The following SPOCK1 variants were observed in gnomAD, a reference collection of about 807,000 sequenced individuals.
SPOCK1 encodes SPARC (osteonectin), cwcv and kazal like domains proteoglycan 1.
SPOCK1 carries 23 observed loss-of-function variants against 55.3 expected under a neutral mutation model. That is an observed-to-expected ratio of 0.42 (90% CI 0.30 to 0.59). The LOEUF (loss-of-function observed/expected upper bound fraction) is 0.59, where lower values mean the gene tolerates loss of function less well. SPOCK1 is among the 20% of genes least tolerant of loss of function. SPOCK1 has a pLI of 0.22. For synonymous variants in SPOCK1, 226 were observed against 221.0 expected, an observed-to-expected ratio of 1.02 and a Z score of -0.20; for missense variants, 499 against 552.5, an observed-to-expected ratio of 0.90 and a Z score of 0.97.
intron 2 of SPOCK1, among the ~76,000 whole-genome samples, chr5:137,302,861 G>A (rs1464932318): frequency 1.3e-5 from 2 of 152,154 alleles, no homozygotes; most frequent in African/African-American, 4.8e-5. Context: ...TAAGGCTGGG[G>A]TTGTTCCATT....
rs1752390442 is a variant in SPOCK1 at position 137,418,221 on chromosome 5, T to C, written c.186+80152A>G. Among the ~76,000 whole-genome samples the C allele has an allele frequency of 5.3e-5, 8 of 152,262 alleles. No homozygotes were observed. The South Asian group carries it at 1.7e-3, about 32-fold the overall frequency. On this transcript the variant is annotated intron_variant, in intron 2 of 10. Coordinates refer to ENST00000394945, the MANE Select transcript of SPOCK1 (RefSeq NM_004598.4). ...GTCTATCATTGATGGACATTTGGGT[T>C]GGTTCCAAGTCTTTGCTATTGTGAA...
rs547629198 is a variant in SPOCK1 at position 137,224,368 on chromosome 5, T to A, written c.232+42642A>T. The stretch of plus-strand genomic sequence containing the variant: ...GCAGGGTATACACATACATTGTGAC[T>A]TAATTTACATTTATTCCTTGGAGTA... On this transcript the variant is annotated intron_variant, in intron 3 of 10. Coordinates refer to ENST00000394945, the MANE Select transcript of SPOCK1 (RefSeq NM_004598.4). Among the ~76,000 whole-genome samples the A allele has an allele frequency of 2.0e-5, 3 of 152,362 alleles. No individual in the cohort carries two copies. In the South Asian group the frequency reaches 6.2e-4, roughly 32 times the overall value.
chr5:137,438,669 C>CACAT (rs1554081347), intron 2 of SPOCK1, among the ~76,000 whole-genome samples: 2 of 151,914 alleles, frequency 1.3e-5, no homozygotes, highest in Admixed American at 1.3e-4. Context: ...CACACACACA[C>CACAT]AGAAGCCACC....
At chr5:137,091,985 G>A (rs768964002) in intron 5 of SPOCK1, among the ~76,000 whole-genome samples, 13 of 151,650 alleles carry the variant, frequency 8.6e-5, no homozygotes, top group African/African-American at 1.9e-4. Context: ...TTATTTTCCC[G>A]TCAAGTCCCT....
At chr5:137,103,697 C>A (rs989791954) in intron 5 of SPOCK1, among the ~76,000 whole-genome samples, 1 of 152,218 alleles carries the variant, frequency 6.6e-6, no homozygotes, top group Admixed American at 6.5e-5. Flanking sequence ...CAGCTACAAC[C>A]TATATCCTAA....
chr5:137,367,333 G>T (rs1302828405), intron 2 of SPOCK1, among the ~76,000 whole-genome samples: 1 of 152,184 alleles, frequency 6.6e-6, no homozygotes, highest in East Asian at 1.9e-4. Flanking sequence ...CACCCCTGCA[G>T]TCAACATGCC....
intron 2 of SPOCK1, among the ~76,000 whole-genome samples, chr5:137,327,852 C>T (rs1035795074): frequency 6.6e-6 from 1 of 152,128 alleles, no homozygotes; most frequent in South Asian, 2.1e-4. Flanking sequence ...CTAGAGTGGG[C>T]CTTCCTAACA....
At chr5:137,140,747 A>ATTTTTTTTTTTT (rs11309240) in intron 3 of SPOCK1, 53 bp from the exon 4 acceptor site, 5 of 352,310 alleles carry the variant, frequency 1.4e-5, no homozygotes, top group Non-Finnish European at 2.2e-5. Context: ...GGGAAATTTA[A>ATTTTTTTTTTTT]TTTTTTTTTT....
chr5:137,414,873 C>T (rs1752296457), intron 2 of SPOCK1, among the ~76,000 whole-genome samples: 2 of 151,162 alleles, frequency 1.3e-5, no homozygotes, highest in South Asian at 4.2e-4. Flanking sequence ...CCCCGCCCAC[C>T]CCCCTTACTA....
At chr5:137,303,289 G>A (rs1273094846) in intron 2 of SPOCK1, among the ~76,000 whole-genome samples, 2 of 151,902 alleles carry the variant, frequency 1.3e-5, no homozygotes, top group East Asian at 1.9e-4. Flanking sequence ...TTGGGAAAGC[G>A]AGACCTATAA....
At chr5:137,412,952 G>C (rs1182326157) in intron 2 of SPOCK1, among the ~76,000 whole-genome samples, 1 of 151,038 alleles carries the variant, frequency 6.6e-6, no homozygotes, top group East Asian at 1.9e-4. Flanking sequence ...TTCTAACAGA[G>C]AAAGCTGTCC....
chr5:137,382,793 A>C (rs10055819), intron 2 of SPOCK1, among the ~76,000 whole-genome samples: 12,994 of 152,204 alleles, frequency 0.085, 1,260 homozygotes, highest in African/African-American at 0.24. Flanking sequence ...CAAATCCAAA[A>C]CATATCACAT....
At chr5:137,447,172 G>GT (rs1753146684) in intron 2 of SPOCK1, among the ~76,000 whole-genome samples, 1 of 152,166 alleles carries the variant, frequency 6.6e-6, no homozygotes, top group Non-Finnish European at 1.5e-5. Context: ...AGAAATGTCT[G>GT]TTTTGAACAA....
chr5:137,251,938 G>A (rs965981346), intron 3 of SPOCK1, among the ~76,000 whole-genome samples: 35 of 151,890 alleles, frequency 2.3e-4, no homozygotes, highest in Non-Finnish European at 5.9e-5. Context: ...ATTTTTCTTC[G>A]AGACAGAGTC....
intron 2 of SPOCK1, among the ~76,000 whole-genome samples, chr5:137,335,472 C>A (rs1326577786): frequency 6.6e-6 from 1 of 152,214 alleles, no homozygotes; most frequent in Non-Finnish European, 1.5e-5. Context: ...TGAATATGCA[C>A]TTGCTTTCAT....
chr5:137,253,786 C>T (rs953743859), intron 3 of SPOCK1, among the ~76,000 whole-genome samples: 2 of 152,180 alleles, frequency 1.3e-5, no homozygotes, highest in Non-Finnish European at 2.9e-5. Context: ...CCCTATGGAA[C>T]CAAATAGAAT....
chr5:137,043,484 G>A (rs948416197), intron 6 of SPOCK1, among the ~76,000 whole-genome samples: 3 of 152,070 alleles, frequency 2.0e-5, no homozygotes, highest in Non-Finnish European at 4.4e-5. Context: ...GTGTAGAAAT[G>A]GGGTAAAATG....
intron 2 of SPOCK1, among the ~76,000 whole-genome samples, chr5:137,479,505 T>A (rs2974500): frequency 0.37 from 56,947 of 152,062 alleles, 10,770 homozygotes; most frequent in East Asian, 0.47. Context: ...CCTAGGCACA[T>A]GATAGCATCA....
intron 3 of SPOCK1, among the ~76,000 whole-genome samples, chr5:137,175,496 G>T (rs1190447836): frequency 1.3e-5 from 2 of 152,196 alleles, no homozygotes; most frequent in Non-Finnish European, 2.9e-5. Flanking sequence ...GATTTGATCT[G>T]CCAGTTCCTG....
Sources: allele counts gnomAD v4.1 joint callset (sites outside exome capture counted in the v4.1 genomes callset), GRCh38; gene constraint gnomAD v4.1.1; transcripts MANE v1.5; gene names NCBI Gene and HGNC (gene_info 2026-07-23, HGNC 2026-07-21).